The following EYS variants were observed in gnomAD, a reference collection of about 807,000 sequenced individuals.
EYS encodes protein eyes shut homolog.
EYS carries 250 observed loss-of-function variants against 282.1 expected under a neutral mutation model. That is an observed-to-expected ratio of 0.89 (90% CI 0.80 to 0.98). The LOEUF is 0.98. Among genes scored for constraint, EYS ranks in the 50% least tolerant of loss-of-function variants. The pLI is 0.00. For missense variants in EYS, 4,016 were observed against 3,709.0 expected, an observed-to-expected ratio of 1.08 and a Z score of -2.15; for synonymous variants, 1,355 against 1,282.9, an observed-to-expected ratio of 1.06 and a Z score of -1.20.
intron 31 of EYS, among the ~76,000 whole-genome samples, chr6:64,090,035 C>T (rs1772299456): frequency 6.6e-6 from 1 of 152,086 alleles, no homozygotes; most frequent in South Asian, 2.1e-4. Flanking sequence ...AAATCTGAGG[C>T]CCCAAAGCTC....
chr6:65,262,865 ACTGTC>A (rs1767655032), intron 12 of EYS, among the ~76,000 whole-genome samples: 1 of 151,912 alleles, frequency 6.6e-6, no homozygotes, highest in African/African-American at 2.4e-5. Context: ...CTATTCAGTA[ACTGTC>A]CATCATATAG....
intron 31 of EYS, among the ~76,000 whole-genome samples, chr6:64,226,280 C>T (rs886548571): frequency 1.3e-5 from 2 of 152,036 alleles, no homozygotes; most frequent in South Asian, 2.1e-4. Flanking sequence ...AAGCCTCTCA[C>T]TTTTATTTCT....
chr6:63,931,120 T>A (rs757561933), intron 35 of EYS, among the ~76,000 whole-genome samples: 6 of 152,208 alleles, frequency 3.9e-5, no homozygotes, highest in Non-Finnish European at 8.8e-5. Context: ...CTTTTTCTTT[T>A]AAAGAGGAAA....
chr6:65,256,417 G>T (rs1372017445), intron 12 of EYS, among the ~76,000 whole-genome samples: 1 of 108,008 alleles, frequency 9.3e-6, no homozygotes, highest in African/African-American at 3.5e-5. Flanking sequence ...TATCCCTCCC[G>T]CCTCCCCCCT....
In EYS at chr6:65,257,401, T is replaced by C. The variant is rs528345590; in HGVS notation, c.2023+38462A>G. ...TTTTCTTCTAGGGTTTTTATGGTTT[T>C]AGGTCTAACATTTAAGTCTCTAATC... On this transcript the variant is annotated intron_variant, in intron 12 of 42. Coordinates refer to ENST00000503581, the MANE Select transcript of EYS (RefSeq NM_001142800.2). Among the ~76,000 whole-genome samples the C allele has an allele frequency of 8.5e-5, 10 of 117,582 alleles. 2 individuals carry two copies. Among genetic ancestry groups the C allele is most frequent in the Non-Finnish European group, 1.7e-4 (10 of 57,682 alleles). The allele number at this position is 117,582 out of a possible 152,430, so 77.1% of individuals were successfully genotyped here. A position where few individuals can be genotyped will look rare whatever the true frequency, so the allele number is the denominator to read the frequency against.
chr6:65,332,424 AT>A, intron 11 of EYS: 1 of 1,383,844 alleles, frequency 7.2e-7, no homozygotes, highest in South Asian at 1.2e-5. Context: ...TCTTCTGTGA[AT>A]TAATTTGGGA....
chr6:65,343,338 G>A lies in EYS; in HGVS notation c.1599+700C>T, dbSNP rs866849261. On this transcript the variant is annotated intron_variant, in intron 10 of 42. Transcript: ENST00000503581. ...TGGCTTTCTTAAAATGACCAAATTA[G>A]GATGTATCAAGACAAGATAGGTTAC... Among the ~76,000 whole-genome samples, 8 of 151,226 alleles carry A rather than the reference G, an allele frequency of 5.3e-5. No individual in the cohort carries two copies. The South Asian group carries it at 8.3e-4, about 16-fold the overall frequency.
intron 31 of EYS, among the ~76,000 whole-genome samples, chr6:64,219,427 A>C (rs1766024994): frequency 6.6e-6 from 1 of 152,228 alleles, no homozygotes; most frequent in Non-Finnish European, 1.5e-5. Context: ...CAATCTACCA[A>C]GTCAGGTCAT....
At chr6:65,607,787 T>C (rs988301760) in intron 2 of EYS, among the ~76,000 whole-genome samples, 5 of 151,894 alleles carry the variant, frequency 3.3e-5, no homozygotes, top group African/African-American at 1.2e-4. Flanking sequence ...CCTTTCAGAA[T>C]TGATATTCAC....
chr6:64,370,429 T>A (rs1369016103), intron 29 of EYS, among the ~76,000 whole-genome samples: 1 of 152,114 alleles, frequency 6.6e-6, no homozygotes, highest in East Asian at 1.9e-4. Context: ...TTGCTAGTGT[T>A]TTGTTTAGAA....
rs10650454 is a variant in EYS at position 65,680,086 on chromosome 6, TCACACACACACA to T, written c.-448+27037_-448+27048del. Among the ~76,000 whole-genome samples the T allele has an allele frequency of 1.2e-4, 17 of 147,284 alleles. 1 individual carries two copies. In the South Asian group the frequency reaches 3.4e-3, roughly 30 times the overall value. On this transcript the variant is annotated intron_variant, in intron 1 of 42. Coordinates refer to ENST00000503581, the MANE Select transcript of EYS (RefSeq NM_001142800.2). Reference sequence around the variant, plus strand: ...ATATATATTATGCGCTCCTAAATTTTCACACACACACACACACACACACACACACAAAGCAAA... The same window carrying T: ...ATATATATTATGCGCTCCTAAATTTTCACACACACACACACACAAAGCAAA...
At chr6:64,608,071 T>C (rs1766991077) in intron 24 of EYS, among the ~76,000 whole-genome samples, 1 of 152,192 alleles carries the variant, frequency 6.6e-6, no homozygotes, top group African/African-American at 2.4e-5. Flanking sequence ...AATATTATTG[T>C]AGAAAACAAT....
chr6:64,565,266 A>T (rs1765527961), intron 26 of EYS, among the ~76,000 whole-genome samples: 1 of 152,074 alleles, frequency 6.6e-6, no homozygotes, highest in East Asian at 1.9e-4. Context: ...CACTATCCAG[A>T]CCAAAGTCAG....
intron 15 of EYS, among the ~76,000 whole-genome samples, chr6:64,936,264 C>A (rs568169155): frequency 2.3e-4 from 34 of 151,062 alleles, no homozygotes; most frequent in African/African-American, 8.0e-4. Context: ...ACAAAAAAAA[C>A]ACTCAACAAA....
chr6:65,299,655 T>C (rs193041226), intron 11 of EYS, among the ~76,000 whole-genome samples: 5 of 152,316 alleles, frequency 3.3e-5, no homozygotes, highest in Non-Finnish European at 7.3e-5. Flanking sequence ...AGAATAACTA[T>C]AGTGTCTTCT....
intron 31 of EYS, among the ~76,000 whole-genome samples, chr6:64,160,201 C>T (rs2150300521): frequency 6.6e-6 from 1 of 152,224 alleles, no homozygotes; most frequent in East Asian, 1.9e-4. Flanking sequence ...TTTCTAATCA[C>T]TTTTGGGATA....
At chr6:64,904,308 TG>T (rs1406155969) in intron 16 of EYS, among the ~76,000 whole-genome samples, 1 of 152,232 alleles carries the variant, frequency 6.6e-6, no homozygotes, top group Non-Finnish European at 1.5e-5. Flanking sequence ...GTTACATTTT[TG>T]TAATTCGTTC....
intron 26 of EYS, among the ~76,000 whole-genome samples, chr6:64,491,432 T>C (rs1477427600): frequency 2.6e-5 from 4 of 150,968 alleles, no homozygotes; most frequent in Admixed American, 6.6e-5. Flanking sequence ...TCAATTCTAA[T>C]AGACATTTTC....
chr6:65,115,835 C>T (rs1775354461), intron 12 of EYS, among the ~76,000 whole-genome samples: 4 of 152,072 alleles, frequency 2.6e-5, no homozygotes, highest in Non-Finnish European at 5.9e-5. Context: ...ACTTGTAGGA[C>T]ATCATATAAC....
Sources: gnomAD v4.1 joint callset for allele counts (sites outside exome capture counted in the v4.1 genomes callset) on GRCh38, gnomAD v4.1.1 for gene constraint, MANE v1.5 for transcripts, NCBI Gene and HGNC (gene_info 2026-07-23, HGNC 2026-07-21) for gene names.